The following FHIT variants were observed in gnomAD, a reference collection of about 807,000 sequenced individuals.
FHIT encodes the protein fragile histidine triad diadenosine triphosphatase, also known as bis(5'-adenosyl)-triphosphatase.
Under a neutral mutation model 17.9 loss-of-function variants are expected in FHIT, and 19 were observed. The observed-to-expected ratio is 1.06, with a 90% CI of 0.74 to 1.56. FHIT has a LOEUF of 1.56. FHIT is among the 40% of genes most tolerant of loss of function. The probability of loss-of-function intolerance (pLI) is 0.00; values close to 1 mark genes in which losing one functional copy is unlikely to be tolerated. For synonymous variants in FHIT, 81 were observed against 69.7 expected, an observed-to-expected ratio of 1.16 and a Z score of -0.81; for missense variants, 248 against 189.2, an observed-to-expected ratio of 1.31 and a Z score of -1.82.
intron 8 of FHIT, among the ~76,000 whole-genome samples, chr3:59,756,966 T>C (rs960005059): frequency 6.6e-6 from 1 of 152,190 alleles, no homozygotes; most frequent in Non-Finnish European, 1.5e-5. Context: ...AGTGTTTTTC[T>C]TTCTTAGTAG....
chr3:60,167,996 C>G (rs532067279), intron 5 of FHIT, among the ~76,000 whole-genome samples: 17 of 152,194 alleles, frequency 1.1e-4, no homozygotes, highest in South Asian at 6.2e-4. Context: ...TGCACTCCAG[C>G]CTGGGTAAGA....
At chr3:61,161,350 T>A (rs767250119) in intron 2 of FHIT, among the ~76,000 whole-genome samples, 4 of 151,946 alleles carry the variant, frequency 2.6e-5, no homozygotes, top group African/African-American at 9.7e-5. Flanking sequence ...TACAGGTGCA[T>A]GCCACCACGC....
chr3:60,496,171 C>CTA (rs2034292278), intron 5 of FHIT, among the ~76,000 whole-genome samples: 1 of 151,918 alleles, frequency 6.6e-6, no homozygotes, highest in Admixed American at 6.6e-5. Flanking sequence ...GTATCAAAGG[C>CTA]ACTATCCCCT....
At chr3:59,883,761 G>A (rs946875310) in intron 8 of FHIT, among the ~76,000 whole-genome samples, 1 of 152,158 alleles carries the variant, frequency 6.6e-6, no homozygotes, top group African/African-American at 2.4e-5. Flanking sequence ...ACTGGAAACT[G>A]GAAACACTAC....
chr3:60,902,087 T>C (rs1379218620), intron 3 of FHIT, among the ~76,000 whole-genome samples: 3 of 152,180 alleles, frequency 2.0e-5, no homozygotes, highest in African/African-American at 7.2e-5. Context: ...CAAATGCATA[T>C]AGTTATATAA....
At chr3:60,066,610 T>C (rs1419272318) in intron 5 of FHIT, among the ~76,000 whole-genome samples, 2 of 150,402 alleles carry the variant, frequency 1.3e-5, no homozygotes, top group East Asian at 2.0e-4. Flanking sequence ...TTGTTATAGG[T>C]TGATTTTAAT....
At chr3:60,695,899 T>C (rs1199604140) in intron 4 of FHIT, among the ~76,000 whole-genome samples, 2 of 152,226 alleles carry the variant, frequency 1.3e-5, no homozygotes, top group Non-Finnish European at 2.9e-5. Context: ...TAGACTAGTA[T>C]CTGATACATG....
At chr3:60,441,439 T>C (rs1186561902) in intron 5 of FHIT, among the ~76,000 whole-genome samples, 1 of 151,574 alleles carries the variant, frequency 6.6e-6, no homozygotes, top group Admixed American at 6.6e-5. Context: ...AATAGTGGGC[T>C]GAAGAAAACA....
At chr3:60,511,933 G>A in intron 5 of FHIT, among the ~76,000 whole-genome samples, 1 of 152,074 alleles carries the variant, frequency 6.6e-6, no homozygotes. Context: ...TGAATTAAAA[G>A]TGATCTCAGT....
Position 59,749,260 on chromosome 3 carries a change from A to AAT in FHIT, c.*323_*324dup, listed in dbSNP as rs1178838096. ...CCTTTAAAAAAGTAACTGTAACTGT[A>AAT]ATAGGTTTGTTGCCTAATTCATGGC... is the stretch of plus-strand genomic sequence containing the variant. On this transcript the variant is annotated 3_prime_UTR_variant, in exon 10 of 10. Coordinates refer to ENST00000492590, the MANE Select transcript of FHIT (RefSeq NM_002012.4). 8 of 230,904 alleles carry AAT rather than the reference A, an allele frequency of 3.5e-5. No homozygotes were observed. The Admixed American group carries it at 4.5e-4, about 13-fold the overall frequency. The allele number at this position is 230,904 out of a possible 1,614,324, so 14.3% of individuals were successfully genotyped here.
intron 3 of FHIT, among the ~76,000 whole-genome samples, chr3:60,907,050 C>A (rs1706465495): frequency 6.6e-6 from 1 of 151,990 alleles, no homozygotes; most frequent in South Asian, 2.1e-4. Context: ...GACAATAGAA[C>A]CCATGAGTGA....
At chr3:59,957,375 A>G (rs1419954472) in intron 7 of FHIT, among the ~76,000 whole-genome samples, 1 of 152,232 alleles carries the variant, frequency 6.6e-6, no homozygotes, top group African/African-American at 2.4e-5. Context: ...CTCAGGGGAA[A>G]TCAACTCTGC....
At chr3:60,310,831 C>A (rs1166280071) in intron 5 of FHIT, among the ~76,000 whole-genome samples, 1 of 152,122 alleles carries the variant, frequency 6.6e-6, no homozygotes, top group African/African-American at 2.4e-5. Context: ...GTGTATGCCC[C>A]AGATTCACTG....
intron 5 of FHIT, among the ~76,000 whole-genome samples, chr3:60,059,598 T>C (rs1702220190): frequency 6.6e-6 from 1 of 152,222 alleles, no homozygotes; most frequent in Non-Finnish European, 1.5e-5. Context: ...AAAACTTGTC[T>C]CAGTCTCTTT....
chr3:60,544,941 T>C (rs1452753975), intron 4 of FHIT, among the ~76,000 whole-genome samples: 1 of 152,152 alleles, frequency 6.6e-6, no homozygotes, highest in Admixed American at 6.5e-5. Context: ...AATAGTTTGG[T>C]TTTTCTTTTT....
intron 5 of FHIT, among the ~76,000 whole-genome samples, chr3:60,433,987 A>G (rs1490917255): frequency 1.3e-5 from 2 of 152,216 alleles, no homozygotes; most frequent in East Asian, 3.9e-4. Flanking sequence ...ATTATTGCCT[A>G]GACAAATGTT....
intron 8 of FHIT, among the ~76,000 whole-genome samples, chr3:59,791,653 G>T (rs1304667172): frequency 6.6e-6 from 1 of 152,122 alleles, no homozygotes; most frequent in African/African-American, 2.4e-5. Flanking sequence ...TGAAATGTGG[G>T]TGATTCATTT....
chr3:61,082,565 A>C (rs960798598), intron 2 of FHIT, among the ~76,000 whole-genome samples: 12 of 152,344 alleles, frequency 7.9e-5, no homozygotes, highest in African/African-American at 2.9e-4. Context: ...GCGTATATCT[A>C]GTAGAAGTGA....
intron 7 of FHIT, among the ~76,000 whole-genome samples, chr3:60,000,778 T>C (rs1233509758): frequency 6.6e-6 from 1 of 152,032 alleles, no homozygotes. Flanking sequence ...AAACATCAAA[T>C]ATATTTAAAA....
Sources: allele counts gnomAD v4.1 joint callset (sites outside exome capture counted in the v4.1 genomes callset), GRCh38; gene constraint gnomAD v4.1.1; transcripts MANE v1.5; gene names NCBI Gene and HGNC (gene_info 2026-07-23, HGNC 2026-07-21).